Variants in SPECC1L observed in about 807,000 individuals in gnomAD.
The protein encoded by SPECC1L is cytospin-A.
Under a neutral mutation model 116.8 loss-of-function variants are expected in SPECC1L, and 40 were observed. That is an observed-to-expected ratio of 0.34 (90% CI 0.27 to 0.45). The LOEUF (loss-of-function observed/expected upper bound fraction) is 0.45, where lower values mean the gene tolerates loss of function less well. SPECC1L is among the 20% of genes least tolerant of loss of function. SPECC1L has a pLI of 1.00. For synonymous variants in SPECC1L, 504 were observed against 500.6 expected, an observed-to-expected ratio of 1.01 and a Z score of -0.09; for missense variants, 1,110 against 1,373.6, an observed-to-expected ratio of 0.81 and a Z score of 3.03.
intron 1 of SPECC1L, among the ~76,000 whole-genome samples, chr22:24,272,810 CA>C (rs896306588): frequency 8.6e-5 from 13 of 151,764 alleles, no homozygotes; most frequent in African/African-American, 2.7e-4. Context: ...TTTTTTCCTC[CA>C]AAAAAACACC....
intron 4 of SPECC1L, among the ~76,000 whole-genome samples, chr22:24,317,271 C>G (rs1323639751): frequency 1.6e-5 from 2 of 122,676 alleles, no homozygotes; most frequent in Non-Finnish European, 3.6e-5. Context: ...GCTGACCCCC[C>G]CCACCTCCCT....
intron 10 of SPECC1L, among the ~76,000 whole-genome samples, chr22:24,344,355 C>A (rs1305735297): frequency 4.7e-5 from 7 of 149,160 alleles, no homozygotes; most frequent in Non-Finnish European, 7.4e-5. Flanking sequence ...AAAAAAAAAA[C>A]ATTAATCTCA....
In SPECC1L at chr22:24,303,844, G is replaced by GGTGTGTGTGT. The variant is rs3031935; in HGVS notation, c.153+1493_153+1502dup. 3.1e-3 allele frequency among the ~76,000 whole-genome samples: 443 copies of GGTGTGTGTGT among 144,084 alleles called. 4 individuals are homozygous for GGTGTGTGTGT. Among genetic ancestry groups the GGTGTGTGTGT allele is most frequent in the African/African-American group, 1.0e-2 (381 of 38,222 alleles). The allele number at this position is 144,084 out of a possible 152,430, so 94.5% of individuals were successfully genotyped here. ...CTGCTGCATTAACAAGTTTAAATAG[G>GGTGTGTGTGT]GTGTGTGTGTGTGTGTGTGTGTGTG... On this transcript the variant is annotated intron_variant, in intron 3 of 16. Coordinates refer to ENST00000314328, the MANE Select transcript of SPECC1L (RefSeq NM_015330.6).
intron 2 of SPECC1L, among the ~76,000 whole-genome samples, chr22:24,282,031 T>C (rs1232521273): frequency 6.6e-6 from 1 of 152,182 alleles, no homozygotes; most frequent in Non-Finnish European, 1.5e-5. Context: ...GGGAAGCCGA[T>C]GGGCCAGGAG....
intron 2 of SPECC1L, among the ~76,000 whole-genome samples, chr22:24,286,128 A>T (rs1459017437): frequency 6.6e-6 from 1 of 152,198 alleles, no homozygotes; most frequent in Non-Finnish European, 1.5e-5. Context: ...GTAACCTAGA[A>T]TATAGTTTCG....
intron 16 of SPECC1L, among the ~76,000 whole-genome samples, chr22:24,414,299 C>T (rs1464185036): frequency 6.6e-6 from 1 of 152,188 alleles, no homozygotes; most frequent in East Asian, 1.9e-4. Context: ...CCTGCAGAGC[C>T]GTGAGCAGGG....
intron 14 of SPECC1L, among the ~76,000 whole-genome samples, chr22:24,382,135 A>G (rs1419343592): frequency 6.6e-6 from 1 of 152,244 alleles, no homozygotes; most frequent in African/African-American, 2.4e-5. Context: ...ACAAAAATAA[A>G]TATCTTTGAA....
At chr22:24,337,493 C>G (rs768466535) in intron 9 of SPECC1L, among the ~76,000 whole-genome samples, 10 of 152,028 alleles carry the variant, frequency 6.6e-5, no homozygotes, top group Non-Finnish European at 1.3e-4. Flanking sequence ...TGTTTTGTAA[C>G]TAGGTAGAGG....
chr22:24,375,987 A>C (rs5760378), intron 14 of SPECC1L, among the ~76,000 whole-genome samples: 31,286 of 151,972 alleles, frequency 0.21, 3,482 homozygotes, highest in Admixed American at 0.27. Flanking sequence ...AACAAAAAAA[A>C]CCCACAGTTT....
At chr22:24,347,850 A>G (rs1388345358) in intron 11 of SPECC1L, among the ~76,000 whole-genome samples, 2 of 151,994 alleles carry the variant, frequency 1.3e-5, no homozygotes, top group Non-Finnish European at 2.9e-5. Flanking sequence ...TAATTTTTGT[A>G]TTTTTAGTAG....
At chr22:24,348,945 T>TA (rs1396933356) in intron 11 of SPECC1L, among the ~76,000 whole-genome samples, 1 of 152,226 alleles carries the variant, frequency 6.6e-6, no homozygotes, top group East Asian at 1.9e-4. Context: ...CTCTGTCTTC[T>TA]AGGACATTCT....
intron 11 of SPECC1L, among the ~76,000 whole-genome samples, chr22:24,351,024 T>G (rs974596996): frequency 6.6e-6 from 1 of 152,130 alleles, no homozygotes; most frequent in Non-Finnish European, 1.5e-5. Context: ...CACTGAGAAA[T>G]GGCTCAGGGT....
intron 10 of SPECC1L, among the ~76,000 whole-genome samples, chr22:24,342,599 G>A (rs112723593): frequency 1.9e-3 from 285 of 151,258 alleles, no homozygotes; most frequent in Non-Finnish European, 2.4e-3. Context: ...CTTGAACCCA[G>A]GAGGGGGAGG....
At chr22:24,297,936 A>G (rs1601514662) in intron 2 of SPECC1L, among the ~76,000 whole-genome samples, 1 of 152,318 alleles carries the variant, frequency 6.6e-6, no homozygotes, top group South Asian at 2.1e-4. Context: ...TGATGCTAGC[A>G]TATTGTATTA....
chr22:24,355,281 CAA>C (rs751981921), intron 11 of SPECC1L, among the ~76,000 whole-genome samples: 8 of 56,020 alleles, frequency 1.4e-4, no homozygotes, highest in African/African-American at 2.1e-4. Context: ...GACTCCATCT[CAA>C]AAAAAAAAAA....
chr22:24,313,572 AC>A, intron 4 of SPECC1L, 106 bp downstream of exon 4: 3 of 1,305,966 alleles, frequency 2.3e-6, no homozygotes, highest in Non-Finnish European at 3.3e-6. Context: ...TTTTAGACAT[AC>A]AAAAGTAGAT....
At chr22:24,339,828 A>G (rs1797456331) in intron 10 of SPECC1L, among the ~76,000 whole-genome samples, 2 of 151,978 alleles carry the variant, frequency 1.3e-5, no homozygotes, top group African/African-American at 2.4e-5. Context: ...TGTCACCCAG[A>G]TTGGAGTGTA....
At position 24,369,200 on chromosome 22, in the gene SPECC1L, TG is replaced by T. The variant is rs770342054; in HGVS notation, c.2985-15del. Reference sequence around the variant, plus strand: ...GCCCAAACAAAAAATATTTCAACTTTGGGTTACTTGTTTTCAGAGAAGAAAG... The same window carrying T: ...GCCCAAACAAAAAATATTTCAACTTTGGTTACTTGTTTTCAGAGAAGAAAG... On this transcript the variant is annotated splice_polypyrimidine_tract_variant and intron_variant, in intron 13 of 16. Coordinates refer to ENST00000314328, the MANE Select transcript of SPECC1L (RefSeq NM_015330.6). The T allele has an allele frequency of 1.3e-5, 21 of 1,581,566 alleles. No individual in the cohort carries two copies. Among genetic ancestry groups the T allele is most frequent in the Admixed American group, 1.7e-5 (1 of 59,982 alleles).
intron 14 of SPECC1L, among the ~76,000 whole-genome samples, chr22:24,383,792 A>ATTTTTTTTTTTTTTTTTTTTTTTTTTTTT (rs538972717): frequency 1.3e-5 from 1 of 77,338 alleles, no homozygotes; most frequent in Non-Finnish European, 2.3e-5. Flanking sequence ...ACCCACCACT[A>ATTTTTTTTTTTTTTTTTTTTTTTTTTTTT]TTTTTTTTTT....
Sources: gnomAD v4.1 joint callset for allele counts (sites outside exome capture counted in the v4.1 genomes callset) on GRCh38, gnomAD v4.1.1 for gene constraint, MANE v1.5 for transcripts, NCBI Gene and HGNC (gene_info 2026-07-23, HGNC 2026-07-21) for gene names.